Variants in PRSS56 observed in about 807,000 individuals in gnomAD.
PRSS56 encodes serine protease 56.
PRSS56 carries 55 observed loss-of-function variants against 66.8 expected under a neutral mutation model. The observed-to-expected ratio is 0.82, with a 90% confidence interval of 0.66 to 1.03. The LOEUF (loss-of-function observed/expected upper bound fraction) is 1.03. Among genes scored for constraint, PRSS56 ranks in the 50% least tolerant of loss-of-function variants. PRSS56 has a pLI of 0.00. For missense variants in PRSS56, 869 were observed against 837.2 expected (o/e 1.04, Z -0.47); for synonymous variants, 409 against 387.9 (o/e 1.05, Z -0.64).
chr2:232,522,318 C>T (rs1289791207), intron 4 of PRSS56, among the ~76,000 whole-genome samples, 158 bp downstream of exon 4: 1 of 152,082 alleles, frequency 6.6e-6, no homozygotes, highest in Non-Finnish European at 1.5e-5. Flanking sequence ...CCGCGCCCGC[C>T]CCGCCAGGAT....
intron 1 of PRSS56, among the ~76,000 whole-genome samples, chr2:232,520,934 G>A (rs1242923735): frequency 6.6e-6 from 1 of 152,178 alleles, no homozygotes; most frequent in African/African-American, 2.4e-5. Context: ...AAGGCCCCAA[G>A]AAGCAGAGAG....
chr2:232,525,548 C>T lies in PRSS56; in HGVS notation c.*42C>T, dbSNP rs1453956913. ...CAGCCCCTGGGGAGGACCTACTGCT[C>T]CCAGGGGCTGAGAGGGGTTCGGGAG... On this transcript the variant is annotated 3_prime_UTR_variant, in exon 13 of 13. Coordinates refer to ENST00000617714, the MANE Select transcript of PRSS56 (RefSeq NM_001195129.2). 7.1e-7 allele frequency: 1 copy of T among 1,417,492 alleles called. No homozygotes were observed. The highest frequency in any genetic ancestry group is 9.2e-7 in the Non-Finnish European group (1 of 1,086,300). The allele number at this position is 1,417,492 out of a possible 1,614,324, so 87.8% of individuals were successfully genotyped here.
Position 232,523,754 on chromosome 2 carries a change from C to T in PRSS56, c.1013-18C>T, listed in dbSNP as rs1020622740. On this transcript the variant is annotated intron_variant, in intron 8 of 12. Transcript: ENST00000617714. ...CCCCAAACAGAGGGTGAGCTGACCC[C>T]TGTCCCGCCCGCAGCAGCCTCCTCC... is the stretch of plus-strand genomic sequence containing the variant. 18 of 1,534,014 alleles carry T rather than the reference C, an allele frequency of 1.2e-5. No homozygotes were observed. The highest frequency in any genetic ancestry group is 2.4e-5 in the South Asian group (2 of 83,948).
At chr2:232,522,356 G>A (rs1691300150) in intron 4 of PRSS56, 159 bp from the exon 5 acceptor site, 1 of 808,308 alleles carries the variant, frequency 1.2e-6, no homozygotes, top group Non-Finnish European at 1.8e-6. Flanking sequence ...GGCACGGCCG[G>A]GCGAGTTCGC....
Position 232,524,382 on chromosome 2 carries a change from C to A in PRSS56, c.1414+13C>A. 1 of 1,534,068 alleles carries A rather than the reference C, an allele frequency of 6.5e-7. No individual in the cohort carries two copies. The highest frequency in any genetic ancestry group is 2.4e-5 in the East Asian group (1 of 40,854). ...GGAGAAGCCAACGGTAATGACGCCC[C>A]CTGCCGACCTTCAGGAGGGGATAGG... is the stretch of plus-strand genomic sequence containing the variant. On this transcript the variant is annotated intron_variant, in intron 11 of 12. Transcript: ENST00000617714.
At chr2:232,525,174 A>C (rs1207923470) in intron 12 of PRSS56, 42 bp from the exon 13 acceptor site, 2 of 1,431,220 alleles carry the variant, frequency 1.4e-6, no homozygotes, top group Non-Finnish European at 1.8e-6. Flanking sequence ...TCAACTCAGG[A>C]GTGAGTTTCT....
intron 2 of PRSS56, 61 bp from the exon 3 acceptor site, chr2:232,521,755 A>C: frequency 1.3e-6 from 2 of 1,496,414 alleles, no homozygotes; most frequent in Non-Finnish European, 9.0e-7. Context: ...GGCTCGGCCC[A>C]GCCTGGGGTG....
intron 2 of PRSS56, 121 bp downstream of exon 2, chr2:232,521,549 G>A (rs982730736): frequency 1.1e-5 from 10 of 876,378 alleles, no homozygotes; most frequent in African/African-American, 3.3e-5. Context: ...GTGTTGGGCC[G>A]CAACCTAGAC....
Position 232,522,052 on chromosome 2 carries a change from C to A in PRSS56, c.338C>A (p.Pro113His). Reference protein sequence around the residue: ...GRIVGGSAAPPGAWPWLVRLQ... With the variant: ...GRIVGGSAAPHGAWPWLVRLQ... Reference sequence around the variant, plus strand: ...ATCGTGGGGGGCAGCGCGGCGCCGCCCGGGGCCTGGCCCTGGCTGGTGAGG... The same window carrying A: ...ATCGTGGGGGGCAGCGCGGCGCCGCACGGGGCCTGGCCCTGGCTGGTGAGG... The change falls in exon 4 of 13, where the codon CCC becomes CAC. Residue 113 changes from proline to histidine, a missense_variant. This residue lies in a region of PRSS56 where 315 missense variants were observed against 313.7 expected (regional missense o/e 1.00). Transcript: ENST00000617714. 1 of 1,499,170 alleles carries A rather than the reference C, an allele frequency of 6.7e-7. No individual in the cohort carries two copies. The highest frequency in any genetic ancestry group is 8.8e-7 in the Non-Finnish European group (1 of 1,130,902). The allele number at this position is 1,499,170 out of a possible 1,614,324, so 92.9% of individuals were successfully genotyped here. A position where few individuals can be genotyped will look rare whatever the true frequency, so the allele number is the denominator to read the frequency against.
rs1691351874 is a variant in PRSS56 at position 232,524,208 on chromosome 2, C to T, written c.1351+5C>T. On this transcript the variant is annotated splice_donor_5th_base_variant and intron_variant, in intron 10 of 12. Coordinates refer to ENST00000617714, the MANE Select transcript of PRSS56 (RefSeq NM_001195129.2). ...GGGAGCTGCGGCTTCACTCAGGTAC[C>T]CCGCGCCCTCCAGCCCAGCCCAGCC... 2.0e-6 allele frequency: 3 copies of T among 1,533,024 alleles called. No individual in the cohort carries two copies. The highest frequency in any genetic ancestry group is 2.6e-6 in the Non-Finnish European group (3 of 1,145,334). The allele number at this position is 1,533,024 out of a possible 1,614,324, so 95.0% of individuals were successfully genotyped here. A position where few individuals can be genotyped will look rare whatever the true frequency, so the allele number is the denominator to read the frequency against.
Position 232,525,261 on chromosome 2 carries a change from G to T in PRSS56, c.1567G>T (p.Ala523Ser), listed in dbSNP as rs1181902566. The change falls in exon 13 of 13, where the codon GCC becomes TCC. Residue 523 changes from alanine (A) to serine (S), a missense_variant. Coordinates refer to ENST00000617714, the MANE Select transcript of PRSS56 (RefSeq NM_001195129.2). ...CAAGACACTGACCGGGCTTTTCAGA[G>T]CCTGGGTGCGGGCAGGCTTGGGGGG... ...GSKTLTGLFR[A>S]WVRAGLGGRH... 6.6e-7 allele frequency: 1 copy of T among 1,517,642 alleles called. No homozygotes were observed. Among genetic ancestry groups the T allele is most frequent in the Non-Finnish European group, 8.8e-7 (1 of 1,136,248 alleles). 94.0% of individuals were successfully genotyped at this position (1,517,642 alleles called of 1,614,324 possible).
chr2:232,522,918 A>G, intron 6 of PRSS56, 57 bp downstream of exon 6: 1 of 1,450,456 alleles, frequency 6.9e-7, no homozygotes, highest in Non-Finnish European at 9.1e-7. Flanking sequence ...CCGAGGTAAT[A>G]GAGTGTAGGG....
chr2:232,524,249 C>T, intron 10 of PRSS56, 46 bp downstream of exon 10: 1 of 1,534,612 alleles, frequency 6.5e-7, no homozygotes. Flanking sequence ...CCGGCCCCAC[C>T]CGCGCGGCAC....
chr2:232,525,592 C>T lies in PRSS56; in HGVS notation c.*86C>T. ...TCGGGAGCATAATGACAAACTGTCG[C>T]TGCCCCAGTGGCTGGGTGTGTGTGG... On this transcript the variant is annotated 3_prime_UTR_variant, in exon 13 of 13. Transcript: ENST00000617714. 2 of 627,814 alleles carry T rather than the reference C, an allele frequency of 3.2e-6. No individual in the cohort carries two copies. Among genetic ancestry groups the T allele is most frequent in the Non-Finnish European group, 4.4e-6 (2 of 449,800 alleles). The allele number at this position is 627,814 out of a possible 1,614,324, so 38.9% of individuals were successfully genotyped here. A position where few individuals can be genotyped will look rare whatever the true frequency, so the allele number is the denominator to read the frequency against.
At chr2:232,522,241 G>C (rs1318079226) in intron 4 of PRSS56, 81 bp downstream of exon 4, 1 of 1,275,294 alleles carries the variant, frequency 7.8e-7, no homozygotes. Context: ...GGCGGGCGAC[G>C]CGCGGGAAAG....
chr2:232,520,898 T>A (rs1691262387), intron 1 of PRSS56, among the ~76,000 whole-genome samples: 1 of 151,856 alleles, frequency 6.6e-6, no homozygotes, highest in Non-Finnish European at 1.5e-5. Context: ...AGGGGAGCTG[T>A]TGAGCATGCC....
rs2741299 is a variant in PRSS56 at position 232,524,103 on chromosome 2, T to G, written c.1251T>G (p.Pro417=). 0.82 allele frequency: 1,249,499 copies of G among 1,517,480 alleles called. 515,464 individuals carry two copies. Among genetic ancestry groups the G allele is most frequent in the East Asian group, 0.95 (37,055 of 39,004 alleles). The allele number at this position is 1,517,480 out of a possible 1,614,324, so 94.0% of individuals were successfully genotyped here. A position where few individuals can be genotyped will look rare whatever the true frequency, so the allele number is the denominator to read the frequency against. The change falls in exon 10 of 13, where the codon CCT becomes CCG. Residue 417 remains proline (P), a synonymous_variant. Transcript: ENST00000617714. ...GGAACGCGCAGGAGCTGCTCGGGCC[T>G]CGTCCGGGACTGCGGCGCCTGGCCC... The part of the protein sequence containing the change: ...LLRNAQELLG[P]RPGLRRLAPA...
rs1051013273 is a variant in PRSS56 at position 232,522,549 on chromosome 2, G to A, written c.481G>A (p.Ala161Thr). 2.0e-6 allele frequency: 3 copies of A among 1,534,946 alleles called. No homozygotes were observed. The African/African-American group carries it at 4.1e-5, about 21-fold the overall frequency. ...TGAGCTTCTGTGGACTGTGACGCTG[G>A]CAGAGGGGTCCCGGGGGGAGCAAGC... ...PNELLWTVTL[A>T]EGSRGEQAEE... Residue 161 changes from alanine (A) to threonine (T), a missense_variant, in exon 5 of 13, where the codon GCA becomes ACA. By Grantham distance (58) the Ala-to-Thr change is moderately conservative. Around this residue, in one of 3 missense-constraint regions of PRSS56, gnomAD observed 315 missense variants for 313.7 expected, o/e 1.00. Coordinates refer to ENST00000617714, the MANE Select transcript of PRSS56 (RefSeq NM_001195129.2).
chr2:232,523,827 G>A lies in PRSS56; in HGVS notation c.1068G>A (p.Gln356=). 1.3e-6 allele frequency: 2 copies of A among 1,533,608 alleles called. No individual in the cohort carries two copies. Among genetic ancestry groups the A allele is most frequent in the Middle Eastern group, 2.1e-4 (1 of 4,822 alleles). The part of the protein sequence containing the change: ...CRELLAWDPP[Q]ELQADAARLC... ...AGCTTCTGGCCTGGGACCCCCCCCAGGAGCTGCAGGCAGACGCCGCCCGGC... is the reference window on the plus strand; with the variant it reads ...AGCTTCTGGCCTGGGACCCCCCCCAAGAGCTGCAGGCAGACGCCGCCCGGC... The change falls in exon 9 of 13, where the codon CAG becomes CAA. Residue 356 remains glutamine (Q), a synonymous_variant. Coordinates refer to ENST00000617714, the MANE Select transcript of PRSS56 (RefSeq NM_001195129.2).
Sources: allele counts gnomAD v4.1 joint callset (sites outside exome capture counted in the v4.1 genomes callset), GRCh38; gene constraint gnomAD v4.1.1; regional missense constraint gnomAD v4.1.1; transcripts MANE v1.5; gene names NCBI Gene and HGNC (gene_info 2026-07-23, HGNC 2026-07-21).